DCPH1: variants seen among roughly 807,000 people sequenced by gnomAD.
DCPH1 encodes damage-control phosphatase 1.
the DCPH1 span, among the ~76,000 whole-genome samples, chr6:151,463,814 T>C: frequency 1.2e-4 from 18 of 152,230 alleles, no homozygotes; most frequent in African/African-American, 4.1e-4. Context: ...TCCTTAGTTA[T>C]GATTTTCTTA....
At chr6:151,458,529 G>A in the DCPH1 span, 4 of 1,612,986 alleles carry the variant, frequency 2.5e-6, no homozygotes, top group Admixed American at 3.3e-5. Context: ...GTTGTTGGTA[G>A]AATGTTACAT....
At chr6:151,455,031 G>T in the DCPH1 span, among the ~76,000 whole-genome samples, 2 of 152,134 alleles carry the variant, frequency 1.3e-5, no homozygotes, top group African/African-American at 4.8e-5. Flanking sequence ...ACTAATTTGA[G>T]ATCTTGAGTC....
chr6:151,458,586 C>A, the DCPH1 span: 1 of 1,568,172 alleles, frequency 6.4e-7, no homozygotes, highest in Non-Finnish European at 8.7e-7. Context: ...CGTGTGTAAT[C>A]ATCAACTATC....
chr6:151,460,686 A>T, the DCPH1 span, among the ~76,000 whole-genome samples: 1 of 151,842 alleles, frequency 6.6e-6, no homozygotes, highest in Non-Finnish European at 1.5e-5. Context: ...CAGGAGGCTG[A>T]GGCAGGAGAA....
the DCPH1 span, among the ~76,000 whole-genome samples, chr6:151,460,513 C>T: frequency 1.3e-5 from 2 of 151,526 alleles, no homozygotes; most frequent in African/African-American, 2.4e-5. Context: ...AGGCCGGGTG[C>T]GGTGGCTCAC....
the DCPH1 span, chr6:151,464,620 T>C: frequency 2.5e-6 from 4 of 1,593,160 alleles, no homozygotes; most frequent in Non-Finnish European, 3.4e-6. Context: ...CTTCTGCAGG[T>C]AAATGTGATC....
At chr6:151,466,293 T>TA in the DCPH1 span, among the ~76,000 whole-genome samples, 101 of 147,754 alleles carry the variant, frequency 6.8e-4, no homozygotes, top group African/African-American at 1.6e-3. Context: ...GCCTTGGAAT[T>TA]AAAAAAAAAA....
At chr6:151,468,821 C>G in the DCPH1 span, 5 of 1,613,988 alleles carry the variant, frequency 3.1e-6, no homozygotes, top group Non-Finnish European at 4.2e-6. Flanking sequence ...TGTGCAATGC[C>G]TCAGGTTGCA....
chr6:151,462,757 G>A, the DCPH1 span, among the ~76,000 whole-genome samples: 592 of 152,200 alleles, frequency 3.9e-3, 1 homozygote, highest in Non-Finnish European at 4.8e-3. Flanking sequence ...TTCTAAAATA[G>A]AAAACATTCT....
the DCPH1 span, chr6:151,469,166 C>G: frequency 6.9e-7 from 1 of 1,444,884 alleles, no homozygotes; most frequent in African/African-American, 1.4e-5. Flanking sequence ...CTTTTCATCC[C>G]CAGAAAAGGA....
the DCPH1 span, among the ~76,000 whole-genome samples, chr6:151,466,333 C>G: frequency 2.0e-5 from 3 of 151,738 alleles, no homozygotes; most frequent in Non-Finnish European, 4.4e-5. Context: ...TGACTCCTAG[C>G]TAGCCCATTC....
At chr6:151,453,243 C>T in the DCPH1 span, among the ~76,000 whole-genome samples, 2 of 152,186 alleles carry the variant, frequency 1.3e-5, no homozygotes, top group Non-Finnish European at 2.9e-5. Flanking sequence ...TAGAGAGTAT[C>T]TCCTTCAATT....
the DCPH1 span, chr6:151,468,606 G>A: frequency 5.0e-6 from 8 of 1,614,004 alleles, no homozygotes; most frequent in Non-Finnish European, 4.2e-6. Context: ...CCTCTGAACT[G>A]GCTACTGAGG....
At chr6:151,458,935 C>T in the DCPH1 span, among the ~76,000 whole-genome samples, 2 of 151,820 alleles carry the variant, frequency 1.3e-5, no homozygotes, top group African/African-American at 2.4e-5. Context: ...GTCAGGAGTT[C>T]GAGACCAGCC....
the DCPH1 span, among the ~76,000 whole-genome samples, chr6:151,460,194 C>T: frequency 1.3e-5 from 2 of 152,032 alleles, no homozygotes; most frequent in Non-Finnish European, 2.9e-5. Context: ...GTTCTCTTGC[C>T]TCAGCCTCCC....
chr6:151,468,712 A>C, the DCPH1 span: 1 of 1,614,152 alleles, frequency 6.2e-7, no homozygotes, highest in Non-Finnish European at 8.5e-7. Flanking sequence ...CAGTAATCAT[A>C]AGTGGATGTC....
chr6:151,452,492 C>G, the DCPH1 span: 3 of 1,601,314 alleles, frequency 1.9e-6, no homozygotes, highest in Non-Finnish European at 8.5e-7. Context: ...GGTACCGCCT[C>G]TGTTTCTGCG....
the DCPH1 span, among the ~76,000 whole-genome samples, chr6:151,462,161 T>C: frequency 2.0e-5 from 3 of 152,224 alleles, no homozygotes; most frequent in Non-Finnish European, 2.9e-5. Flanking sequence ...ACTTCAGATA[T>C]TGAAAGATGA....
chr6:151,452,800 C>T, the DCPH1 span: 7 of 546,908 alleles, frequency 1.3e-5, no homozygotes, highest in Admixed American at 3.8e-5. Flanking sequence ...GGCGGCTGCT[C>T]GTAAGGATCA....
Sources: allele counts gnomAD v4.1 joint callset (sites outside exome capture counted in the v4.1 genomes callset), GRCh38; gene constraint gnomAD v4.1.1; transcripts MANE v1.5; gene names NCBI Gene and HGNC (gene_info 2026-07-23, HGNC 2026-07-21).